DACH1: variants seen among roughly 807,000 people sequenced by gnomAD.
DACH1 encodes dachshund homolog 1.
Under a neutral mutation model 54.2 loss-of-function variants are expected in DACH1, and 12 were observed. The observed-to-expected ratio is 0.22, with a 90% CI of 0.14 to 0.36. The LOEUF (loss-of-function observed/expected upper bound fraction) is 0.36, where lower values mean the gene tolerates loss of function less well. Among genes scored for constraint, DACH1 ranks in the 10% least tolerant of loss-of-function variants. The probability of loss-of-function intolerance (pLI) is 1.00; values close to 1 mark genes in which losing one functional copy is unlikely to be tolerated. For synonymous variants in DACH1, 386 were observed against 366.2 expected, an observed-to-expected ratio of 1.05 and a Z score of -0.62; for missense variants, 805 against 929.8, an observed-to-expected ratio of 0.87 and a Z score of 1.75.
At chr13:71,735,335 G>T (rs1198667890) in intron 1 of DACH1, among the ~76,000 whole-genome samples, 7 of 47,522 alleles carry the variant, frequency 1.5e-4, no homozygotes, top group African/African-American at 3.1e-4. Context: ...ACACGTATAC[G>T]GGATATACGT....
At chr13:71,765,502 T>C (rs569214376) in intron 1 of DACH1, among the ~76,000 whole-genome samples, 1 of 152,326 alleles carries the variant, frequency 6.6e-6, no homozygotes, top group South Asian at 2.1e-4. Flanking sequence ...ACTTATACTA[T>C]GCAAATTTTG....
chr13:71,611,049 T>C (rs1039750345), intron 3 of DACH1, among the ~76,000 whole-genome samples: 2 of 152,202 alleles, frequency 1.3e-5, no homozygotes, highest in African/African-American at 4.8e-5. Flanking sequence ...GATCTCGTTG[T>C]GAACGTTGCA....
chr13:71,467,590 T>A (rs2138153985), intron 10 of DACH1, among the ~76,000 whole-genome samples: 1 of 151,980 alleles, frequency 6.6e-6, no homozygotes, highest in African/African-American at 2.4e-5. Context: ...CATTTATGGG[T>A]ATCGCTAAAA....
At chr13:71,629,493 A>T (rs1876920800) in intron 3 of DACH1, among the ~76,000 whole-genome samples, 1 of 152,110 alleles carries the variant, frequency 6.6e-6, no homozygotes, top group African/African-American at 2.4e-5. Flanking sequence ...TTTTGTCTAT[A>T]TATTTTACTC....
At chr13:71,825,858 T>C (rs1888357556) in intron 1 of DACH1, among the ~76,000 whole-genome samples, 1 of 152,148 alleles carries the variant, frequency 6.6e-6, no homozygotes, top group East Asian at 1.9e-4. Flanking sequence ...TGTATTTATA[T>C]TTCAAGAACA....
At chr13:71,645,382 G>A (rs745356573) in intron 2 of DACH1, among the ~76,000 whole-genome samples, 5 of 152,146 alleles carry the variant, frequency 3.3e-5, no homozygotes, top group African/African-American at 9.7e-5. Flanking sequence ...GTGCGTAAAC[G>A]ATTTAGTAAT....
At chr13:71,861,188 C>T (rs1481539207) in intron 1 of DACH1, among the ~76,000 whole-genome samples, 2 of 151,790 alleles carry the variant, frequency 1.3e-5, no homozygotes, top group Admixed American at 6.6e-5. Context: ...AACTATGTGT[C>T]AAATGTGAAT....
intron 2 of DACH1, among the ~76,000 whole-genome samples, chr13:71,661,197 T>A (rs1879462747): frequency 6.6e-6 from 1 of 151,412 alleles, no homozygotes; most frequent in African/African-American, 2.4e-5. Context: ...AGAACAATTT[T>A]AATTTTGTTA....
At position 71,794,315 on chromosome 13, in the gene DACH1, G is replaced by A. The variant is rs1886953566; in HGVS notation, c.848+71607C>T. Among the ~76,000 whole-genome samples the A allele has an allele frequency of 2.0e-5, 3 of 152,164 alleles. No individual in the cohort carries two copies. In the South Asian group the frequency reaches 6.2e-4, roughly 31 times the overall value. Reference sequence around the variant, plus strand: ...CACAATTCAACACAAAAAGGGCCTTGCCAGGGCAGGACTAACCAAATCCTA... The same window carrying A: ...CACAATTCAACACAAAAAGGGCCTTACCAGGGCAGGACTAACCAAATCCTA... On this transcript the variant is annotated intron_variant, in intron 1 of 10. Coordinates refer to ENST00000613252, the MANE Select transcript of DACH1 (RefSeq NM_080759.6).
intron 6 of DACH1, among the ~76,000 whole-genome samples, chr13:71,509,176 AT>A: frequency 6.6e-6 from 1 of 152,144 alleles, no homozygotes; most frequent in Admixed American, 6.6e-5. Flanking sequence ...CTCTCTATTC[AT>A]TATAAACTGA....
intron 2 of DACH1, 59 bp from the exon 3 acceptor site, chr13:71,630,776 C>G (rs1469196583): frequency 3.4e-6 from 5 of 1,482,068 alleles, no homozygotes; most frequent in Non-Finnish European, 4.4e-6. Context: ...TTTAATAGTT[C>G]CTGTACTTGC....
At chr13:71,479,483 C>T (rs1877854430) in intron 7 of DACH1, among the ~76,000 whole-genome samples, 167 bp from the exon 8 acceptor site, 1 of 152,122 alleles carries the variant, frequency 6.6e-6, no homozygotes, top group Non-Finnish European at 1.5e-5. Context: ...CATAAAACTC[C>T]TAAGTCTAAT....
At chr13:71,680,555 G>A (rs572123640) in intron 2 of DACH1, among the ~76,000 whole-genome samples, 2 of 152,260 alleles carry the variant, frequency 1.3e-5, no homozygotes, top group Non-Finnish European at 2.9e-5. Flanking sequence ...AGTGAGCCAC[G>A]ACTGAGCGAC....
In DACH1 at chr13:71,439,382, T is replaced by G. The variant is rs1873804378; in HGVS notation, c.*1273A>C. 6.6e-6 allele frequency: 1 copy of G among 152,460 alleles called. No homozygotes were observed. The highest frequency in any genetic ancestry group is 1.9e-4 in the East Asian group (1 of 5,176). 9.4% of individuals were successfully genotyped at this position (152,460 alleles called of 1,614,324 possible). On this transcript the variant is annotated 3_prime_UTR_variant, in exon 11 of 11. Coordinates refer to ENST00000613252, the MANE Select transcript of DACH1 (RefSeq NM_080759.6). ...GTAACTTTCAAAAAGACAGTGAAAA[T>G]AACACATAGCCACCCTTCCCTCTGA...
chr13:71,510,259 G>T (rs1880673772), intron 6 of DACH1, among the ~76,000 whole-genome samples: 1 of 151,844 alleles, frequency 6.6e-6, no homozygotes, highest in South Asian at 2.1e-4. Flanking sequence ...ATCCTCTAAT[G>T]ATCTCATTCA....
intron 1 of DACH1, among the ~76,000 whole-genome samples, chr13:71,848,685 T>G (rs371856682): frequency 6.6e-6 from 1 of 151,922 alleles, no homozygotes; most frequent in African/African-American, 2.4e-5. Flanking sequence ...GCCTGGCTAA[T>G]TAAAAAAAAT....
chr13:71,707,609 T>A (rs1308001616), intron 1 of DACH1, among the ~76,000 whole-genome samples: 2 of 152,210 alleles, frequency 1.3e-5, no homozygotes, highest in Non-Finnish European at 1.5e-5. Context: ...AATTAGGCTC[T>A]TACATCTAGA....
chr13:71,570,459 A>G (rs1024166330), intron 4 of DACH1, among the ~76,000 whole-genome samples: 3 of 152,114 alleles, frequency 2.0e-5, no homozygotes, highest in Admixed American at 2.0e-4. Flanking sequence ...GGCAATAAAA[A>G]CTATCAGATT....
chr13:71,522,874 G>A (rs1390244791), intron 6 of DACH1, among the ~76,000 whole-genome samples: 1 of 151,736 alleles, frequency 6.6e-6, no homozygotes, highest in Admixed American at 6.6e-5. Flanking sequence ...CTCTTTTATC[G>A]AAAAGTTAAT....
Sources: allele counts gnomAD v4.1 joint callset (sites outside exome capture counted in the v4.1 genomes callset), GRCh38; gene constraint gnomAD v4.1.1; transcripts MANE v1.5; gene names NCBI Gene and HGNC (gene_info 2026-07-23, HGNC 2026-07-21).